Variants in ETV6 observed in about 807,000 individuals in gnomAD.
ETV6 encodes the protein transcription factor ETV6.
Under a neutral mutation model 51.1 loss-of-function variants are expected in ETV6, and 16 were observed. The ratio of observed to expected loss-of-function variants is 0.31; its 90% CI spans 0.21 to 0.48. The LOEUF is 0.48. Among genes scored for constraint, ETV6 ranks in the 20% least tolerant of loss-of-function variants. The pLI is 0.99. For synonymous variants in ETV6, 240 were observed against 224.1 expected (o/e 1.07, Z -0.64); for missense variants, 458 against 594.8 (o/e 0.77, Z 2.39).
In ETV6 at chr12:11,853,409, T is replaced by C. The variant is rs953521505; in HGVS notation, c.329-18T>C. 7 of 1,613,808 alleles carry C rather than the reference T, an allele frequency of 4.3e-6. No homozygotes were observed. The highest frequency in any genetic ancestry group is 5.1e-6 in the Non-Finnish European group (6 of 1,179,866). On this transcript the variant is annotated intron_variant, in intron 3 of 7. Transcript: ENST00000396373. ...ACATCTTTCCATTTCTCGATTTCCC[T>C]TTCCTTTTTCTTTCCAGGTGATGTG... is the stretch of plus-strand genomic sequence containing the variant.
chr12:11,722,972 T>A (rs1865418406), intron 1 of ETV6, among the ~76,000 whole-genome samples: 1 of 152,168 alleles, frequency 6.6e-6, no homozygotes, highest in African/African-American at 2.4e-5. Flanking sequence ...ATCTGAGAAG[T>A]TCCCGGTTCC....
rs866446597 is a variant in ETV6, at chr12:11,827,076, A to T, written c.164-12064A>T. ...GAATAGAGAGAAGTCTGTCTCACACACACACACACACACACACACACACAC... is the reference window on the plus strand; with the variant it reads ...GAATAGAGAGAAGTCTGTCTCACACTCACACACACACACACACACACACAC... On this transcript the variant is annotated intron_variant, in intron 2 of 7. Coordinates refer to ENST00000396373, the MANE Select transcript of ETV6 (RefSeq NM_001987.5). Among the ~76,000 whole-genome samples the T allele has an allele frequency of 9.0e-3, 1,024 of 113,416 alleles. 9 individuals are homozygous for T. Among genetic ancestry groups the T allele is most frequent in the African/African-American group, 0.031 (747 of 23,824 alleles). 74.4% of individuals were successfully genotyped at this position (113,416 alleles called of 152,430 possible).
chr12:11,742,451 G>A (rs1316975451), intron 1 of ETV6, among the ~76,000 whole-genome samples: 1 of 152,128 alleles, frequency 6.6e-6, no homozygotes, highest in Non-Finnish European at 1.5e-5. Context: ...TACTTGCCAA[G>A]GTGATTATGA....
intron 2 of ETV6, among the ~76,000 whole-genome samples, chr12:11,821,861 T>C (rs1946086000): frequency 6.6e-6 from 1 of 152,052 alleles, no homozygotes; most frequent in Non-Finnish European, 1.5e-5. Flanking sequence ...AAAACAAACA[T>C]GGAGATGCAT....
chr12:11,885,892 G>A (rs1325449274), intron 6 of ETV6, 34 bp from the exon 7 acceptor site: 9 of 1,495,448 alleles, frequency 6.0e-6, no homozygotes, highest in Non-Finnish European at 8.4e-6. Context: ...GTGTCTTTGT[G>A]CTTTTTTTCT....
chr12:11,815,085 A>G (rs1380936057), intron 2 of ETV6, among the ~76,000 whole-genome samples: 1 of 152,224 alleles, frequency 6.6e-6, no homozygotes, highest in African/African-American at 2.4e-5. Context: ...TCCCAGGAGA[A>G]GTCAAATCAC....
chr12:11,718,821 A>C (rs1242363009), intron 1 of ETV6, among the ~76,000 whole-genome samples: 1 of 152,100 alleles, frequency 6.6e-6, no homozygotes, highest in Non-Finnish European at 1.5e-5. Context: ...CCCAGTGCTC[A>C]ATACTGTATT....
intron 2 of ETV6, among the ~76,000 whole-genome samples, chr12:11,803,918 TATC>T (rs56102557): frequency 2.6e-4 from 39 of 152,192 alleles, no homozygotes; most frequent in Non-Finnish European, 3.8e-4. Flanking sequence ...ATATTATTAG[TATC>T]ATCATCATCA....
chr12:11,869,968 A>G lies in ETV6; in HGVS notation c.1008A>G (p.Ala336=), dbSNP rs1184081306. The G allele has an allele frequency of 6.3e-7, 1 of 1,598,516 alleles. No individual in the cohort carries two copies. The highest frequency in any genetic ancestry group is 2.2e-5 in the East Asian group (1 of 44,834). The change falls in exon 5 of 8, where the codon GCA becomes GCG. Residue 336 remains alanine, a splice_region_variant and synonymous_variant. Coordinates refer to ENST00000396373, the MANE Select transcript of ETV6 (RefSeq NM_001987.5). This position sits in a 1 kb window ranked among gnomAD's most constrained non-coding sequence, Gnocchi z 5.0. ...ACGCCATGCCCATTGGGAGAATAGC[A>G]GGTGAGTGAGTTCCCCTCTCGCCGC... is the stretch of plus-strand genomic sequence containing the variant. ...EEHAMPIGRI[A]DCRLLWDYVY...
chr12:11,811,939 G>A (rs1210105483), intron 2 of ETV6, among the ~76,000 whole-genome samples: 3 of 152,196 alleles, frequency 2.0e-5, no homozygotes. Context: ...GGAAAGCTGA[G>A]ATGGAATCAC....
At chr12:11,762,068 T>C (rs1157133107) in intron 2 of ETV6, among the ~76,000 whole-genome samples, 1 of 152,208 alleles carries the variant, frequency 6.6e-6, no homozygotes, top group African/African-American at 2.4e-5. Flanking sequence ...CACCCAGCTC[T>C]GTTGAGCATT....
intron 5 of ETV6, among the ~76,000 whole-genome samples, chr12:11,879,889 A>C (rs1010521270): frequency 6.6e-6 from 1 of 152,162 alleles, no homozygotes; most frequent in African/African-American, 2.4e-5. Flanking sequence ...CTGTGCAGGC[A>C]TGGGTTCCGA....
chr12:11,689,108 C>A lies in ETV6; in HGVS notation c.33+38948C>A, dbSNP rs556700419. Among the ~76,000 whole-genome samples, 3 of 146,084 alleles carry A rather than the reference C, an allele frequency of 2.1e-5. No homozygotes were observed. In the South Asian group the frequency reaches 6.5e-4, roughly 32 times the overall value. ...CCAAGATTATTTACTGCAAAGGAGG[C>A]CCAGGACTCAGCCTGGCAGGGAAAA... On this transcript the variant is annotated intron_variant, in intron 1 of 7. Transcript: ENST00000396373.
chr12:11,880,124 A>ACAAT (rs1299705076), intron 5 of ETV6, among the ~76,000 whole-genome samples: 2 of 152,130 alleles, frequency 1.3e-5, no homozygotes, highest in African/African-American at 4.8e-5. Context: ...AAGAAACAAA[A>ACAAT]CAATCAATAA....
chr12:11,763,329 G>A (rs533392325), intron 2 of ETV6, among the ~76,000 whole-genome samples: 115 of 152,220 alleles, frequency 7.6e-4, no homozygotes, highest in Non-Finnish European at 7.2e-4. Flanking sequence ...AAATTTGGCC[G>A]TGATTCAAAT....
chr12:11,790,422 C>T (rs1456484539), intron 2 of ETV6, among the ~76,000 whole-genome samples: 3 of 152,104 alleles, frequency 2.0e-5, no homozygotes, highest in South Asian at 2.1e-4. Context: ...GTGGCCTGCC[C>T]ACACATTTCC....
chr12:11,838,243 T>C (rs1946343383), intron 2 of ETV6, among the ~76,000 whole-genome samples: 1 of 152,230 alleles, frequency 6.6e-6, no homozygotes. Context: ...GATGTTTTAC[T>C]TCATAGGCAC....
At chr12:11,756,077 T>G (rs1428008469) in intron 2 of ETV6, among the ~76,000 whole-genome samples, 4 of 152,318 alleles carry the variant, frequency 2.6e-5, no homozygotes, top group Middle Eastern at 3.4e-3. Context: ...CATGACAAAT[T>G]AGCAAGTTAT....
intron 2 of ETV6, among the ~76,000 whole-genome samples, chr12:11,787,845 C>T (rs1452745544): frequency 6.6e-6 from 1 of 152,062 alleles, no homozygotes; most frequent in Non-Finnish European, 1.5e-5. Context: ...CACCCAGTAT[C>T]AAATCCAATC....
Sources: allele counts gnomAD v4.1 joint callset (sites outside exome capture counted in the v4.1 genomes callset), GRCh38; gene constraint gnomAD v4.1.1; non-coding constraint Gnocchi (gnomAD v3.1); transcripts MANE v1.5; gene names NCBI Gene and HGNC (gene_info 2026-07-23, HGNC 2026-07-21).